PSTPIP2: variants seen among roughly 807,000 people sequenced by gnomAD.
The protein encoded by PSTPIP2 is proline-serine-threonine phosphatase-interacting protein 2.
Under a neutral mutation model 63.3 loss-of-function variants are expected in PSTPIP2, and 33 were observed. That is an observed-to-expected ratio of 0.52 (90% confidence interval 0.40 to 0.70). PSTPIP2 has a LOEUF of 0.70. Ranked by LOEUF, PSTPIP2 falls within the 30% of genes least tolerant of loss-of-function variation. The pLI is 0.00. For synonymous variants in PSTPIP2, 125 were observed against 132.7 expected (o/e 0.94, Z 0.40); for missense variants, 312 against 400.7 (o/e 0.78, Z 1.89).
intron 1 of PSTPIP2, chr18:46,041,086 C>A: frequency 2.2e-6 from 1 of 456,590 alleles, no homozygotes; most frequent in Non-Finnish European, 4.4e-6. Flanking sequence ...TATTGAGGGT[C>A]AAGGGTATCT....
rs72920419 is a variant in PSTPIP2, at chr18:46,022,281, A to G, written c.212+2328T>C. 4.0e-5 allele frequency among the ~76,000 whole-genome samples: 6 copies of G among 150,476 alleles called. No individual in the cohort carries two copies. In the South Asian group the frequency reaches 6.3e-4, roughly 16 times the overall value. On this transcript the variant is annotated intron_variant, in intron 3 of 14. Coordinates refer to ENST00000409746, the MANE Select transcript of PSTPIP2 (RefSeq NM_024430.4). ...TGTAGTCTAGGATGAGTGTGTGTGT[A>G]TGTGTGTGTGTGTGTGTTGCATGTG...
intron 1 of PSTPIP2, among the ~76,000 whole-genome samples, chr18:46,042,960 C>A (rs1416164519): frequency 6.6e-6 from 1 of 152,120 alleles, no homozygotes; most frequent in Non-Finnish European, 1.5e-5. Flanking sequence ...TCCAGCCACT[C>A]CTCTGAAGCA....
At chr18:46,033,404 G>A (rs1457437021) in intron 2 of PSTPIP2, among the ~76,000 whole-genome samples, 2 of 152,124 alleles carry the variant, frequency 1.3e-5, no homozygotes, top group Non-Finnish European at 2.9e-5. Flanking sequence ...GTCCTTATAA[G>A]AAGACAATGT....
At chr18:46,057,028 G>A (rs1048129592) in intron 1 of PSTPIP2, among the ~76,000 whole-genome samples, 4 of 151,592 alleles carry the variant, frequency 2.6e-5, no homozygotes, top group African/African-American at 4.8e-5. Context: ...TGCTTGAACC[G>A]GGGAGGCGGA....
intron 1 of PSTPIP2, among the ~76,000 whole-genome samples, chr18:46,053,187 G>C (rs1194441476): frequency 6.6e-6 from 1 of 151,956 alleles, no homozygotes; most frequent in Non-Finnish European, 1.5e-5. Flanking sequence ...GTTTCTACTT[G>C]CTATTTATAA....
chr18:46,060,581 C>T (rs927598784), intron 1 of PSTPIP2, among the ~76,000 whole-genome samples: 1 of 152,230 alleles, frequency 6.6e-6, no homozygotes, highest in African/African-American at 2.4e-5. Flanking sequence ...GGTAGGAGAG[C>T]TGTGGCTGCC....
intron 3 of PSTPIP2, among the ~76,000 whole-genome samples, chr18:46,016,438 G>A (rs755313903): frequency 1.3e-5 from 2 of 152,146 alleles, no homozygotes; most frequent in Non-Finnish European, 2.9e-5. Flanking sequence ...ACCTAGTCCT[G>A]ACTGCCTCCT....
chr18:46,068,938 A>G (rs1211883990), intron 1 of PSTPIP2, among the ~76,000 whole-genome samples: 2 of 152,146 alleles, frequency 1.3e-5, no homozygotes, highest in African/African-American at 4.8e-5. Context: ...CAGCAGGGCA[A>G]TGAGCCAGTT....
intron 4 of PSTPIP2, among the ~76,000 whole-genome samples, chr18:46,012,322 C>G (rs79596506): frequency 1.3e-5 from 2 of 150,160 alleles, no homozygotes; most frequent in Admixed American, 6.6e-5. Flanking sequence ...TTTTTAGAAA[C>G]GAAATTTTTT....
chr18:45,985,705 G>C (rs2051459946), intron 14 of PSTPIP2, among the ~76,000 whole-genome samples: 1 of 151,832 alleles, frequency 6.6e-6, no homozygotes, highest in Non-Finnish European at 1.5e-5. Flanking sequence ...AAACATGTTA[G>C]AATTAACAAC....
intron 2 of PSTPIP2, chr18:46,029,633 C>A: frequency 1.3e-6 from 1 of 753,090 alleles, no homozygotes; most frequent in Non-Finnish European, 2.5e-6. Flanking sequence ...GGTGTTAATT[C>A]TCTGACATTC....
At chr18:46,011,061 T>C (rs2051790194) in intron 5 of PSTPIP2, 120 bp downstream of exon 5, 1 of 821,952 alleles carries the variant, frequency 1.2e-6, no homozygotes, top group Admixed American at 2.2e-5. Context: ...CTCCAGTAAG[T>C]AATTTCTCAG....
intron 3 of PSTPIP2, chr18:46,016,216 C>T (rs528435543): frequency 1.3e-5 from 5 of 378,738 alleles, no homozygotes; most frequent in African/African-American, 4.0e-5. Context: ...AGTTATGATC[C>T]TTTTCTCATA....
At chr18:46,064,789 ATACT>A (rs1909121843) in intron 1 of PSTPIP2, among the ~76,000 whole-genome samples, 1 of 152,192 alleles carries the variant, frequency 6.6e-6, no homozygotes, top group South Asian at 2.1e-4. Flanking sequence ...CCAGAAATAG[ATACT>A]TAAAGAATCC....
chr18:46,068,397 A>G (rs914524329), intron 1 of PSTPIP2, among the ~76,000 whole-genome samples: 5 of 152,050 alleles, frequency 3.3e-5, no homozygotes, highest in African/African-American at 1.2e-4. Context: ...TCCCAAGTTC[A>G]CAGCATTCTC....
intron 13 of PSTPIP2, among the ~76,000 whole-genome samples, chr18:45,989,248 T>C (rs1304943698): frequency 6.6e-6 from 1 of 152,266 alleles, no homozygotes; most frequent in African/African-American, 2.4e-5. Flanking sequence ...GTATCTCCCA[T>C]AATTTCCACC....
At chr18:46,000,183 ACT>A (rs1201181949) in intron 6 of PSTPIP2, among the ~76,000 whole-genome samples, 2 of 151,952 alleles carry the variant, frequency 1.3e-5, no homozygotes, top group African/African-American at 4.8e-5. Flanking sequence ...TAGTTACGTA[ACT>A]CTAAAACGTG....
intron 1 of PSTPIP2, among the ~76,000 whole-genome samples, chr18:46,041,228 A>AAT (rs1005051023): frequency 6.6e-5 from 10 of 151,976 alleles, no homozygotes; most frequent in East Asian, 1.9e-4. Context: ...GGGGAGAAGG[A>AAT]ATATATATAT....
chr18:46,023,773 C>G (rs1231586130), intron 3 of PSTPIP2, among the ~76,000 whole-genome samples: 1 of 151,990 alleles, frequency 6.6e-6, no homozygotes, highest in Non-Finnish European at 1.5e-5. Context: ...TATGTCTCTT[C>G]AGAGGTCCTA....
Sources: gnomAD v4.1 joint callset for allele counts (sites outside exome capture counted in the v4.1 genomes callset) on GRCh38, gnomAD v4.1.1 for gene constraint, MANE v1.5 for transcripts, NCBI Gene and HGNC (gene_info 2026-07-23, HGNC 2026-07-21) for gene names.